The following SLC38A5 variants were observed in gnomAD, a reference collection of about 807,000 sequenced individuals.
SLC38A5 encodes the protein solute carrier family 38 member 5.
A neutral mutation model predicts 34.6 loss-of-function variants in SLC38A5; 9 were observed. That is an observed-to-expected ratio of 0.26 (90% confidence interval 0.16 to 0.45). The LOEUF (loss-of-function observed/expected upper bound fraction) is 0.45, where lower values mean the gene tolerates loss of function less well. Among genes scored for constraint, SLC38A5 ranks in the 20% least tolerant of loss-of-function variants. The pLI is 1.00. For missense variants in SLC38A5, 253 were observed against 394.7 expected (o/e 0.64, Z 3.04); for synonymous variants, 157 against 155.6 (o/e 1.01, Z -0.07).
rs1361337751 is a variant in SLC38A5 at position 48,469,521 on chromosome X, T to A, written c.-103-85A>T. ...AGGTGGAGAAGGGGCGCCCCCTATC[T>A]GGACCCACTTGGAGGGAGACAGCGG... On this transcript the variant is annotated intron_variant, in intron 1 of 16. Transcript: ENST00000620913. 3 of 111,331 alleles carry A rather than the reference T, an allele frequency of 2.7e-5. No individual in the cohort carries two copies. The East Asian group carries it at 8.5e-4, about 32-fold the overall frequency. 9.2% of individuals were successfully genotyped at this position (111,331 alleles called of 1,213,427 possible). A position where few individuals can be genotyped will look rare whatever the true frequency, so the allele number is the denominator to read the frequency against.
chrX:48,459,111 T>G, intron 16 of SLC38A5, 77 bp from the exon 17 acceptor site: 1 of 1,014,801 alleles, frequency 9.9e-7, no homozygotes, highest in South Asian at 2.3e-5. Context: ...CCTCAAGTCT[T>G]CCACCTCCTT....
In SLC38A5 at chrX:48,458,950, G is replaced by A. The variant is rs889767969; in HGVS notation, c.1402C>T (p.Arg468Cys). 7 of 1,186,019 alleles carry A rather than the reference G, an allele frequency of 5.9e-6. No homozygotes were observed. Among genetic ancestry groups the A allele is most frequent in the African/African-American group, 3.5e-5 (2 of 57,072 alleles). ...GGGCCTGATCAGTGTCCAGACATGCGGCTCTGGCCTGTGGCCCAGTTGGCA... is the reference window on the plus strand; with the variant it reads ...GGGCCTGATCAGTGTCCAGACATGCAGCTCTGGCCTGTGGCCCAGTTGGCA... ...MFANWATGQS[R>C]MSGH is the part of the protein sequence containing the mutation. Residue 468 changes from arginine (R) to cysteine (C), a missense_variant, in exon 17 of 17, where the codon CGC becomes TGC. Physicochemically the swap from Arg to Cys is radical, Grantham distance 180. Around this residue, in one of 3 missense-constraint regions of SLC38A5, gnomAD observed 176 missense variants for 273.0 expected, o/e 0.64. Coordinates refer to ENST00000620913, the MANE Select transcript of SLC38A5 (RefSeq NM_033518.4).
chrX:48,462,808 T>C, intron 9 of SLC38A5, 90 bp downstream of exon 9: 1 of 709,946 alleles, frequency 1.4e-6, no homozygotes, highest in Non-Finnish European at 2.1e-6. Flanking sequence ...CCTAGTGTGC[T>C]GCAGCCCTTG....
In SLC38A5 at chrX:48,466,963, GGAA is replaced by G. The variant is rs1569470829; in HGVS notation, c.241_243del (p.Phe81del). 8.3e-7 allele frequency: 1 copy of G among 1,211,494 alleles called. No individual in the cohort carries two copies. Among genetic ancestry groups the G allele is most frequent in the Non-Finnish European group, 1.1e-6 (1 of 895,013 alleles). On this transcript the variant is annotated inframe_deletion and splice_region_variant, in exon 5 of 17. Transcript: ENST00000620913. ...CCCGCAGGCCACCTATGGACTCACAGGAAGAAGATGACCCCCGTGTGGGCCATG... is the reference window on the plus strand; with the variant it reads ...CCCGCAGGCCACCTATGGACTCACAGGAAGATGACCCCCGTGTGGGCCATG...
intron 8 of SLC38A5, among the ~76,000 whole-genome samples, chrX:48,464,440 C>T (rs1429310346): frequency 1.8e-5 from 2 of 112,581 alleles, no homozygotes; most frequent in Admixed American, 1.9e-4. Flanking sequence ...CTAGTGTTCT[C>T]AGAATCAAAC....
Position 48,458,686 on chromosome X carries a change from C to CCTG in SLC38A5, c.*246_*247insCAG. ...TCCTCCTCCTCCTCCTCCTCCTCCT[C>CCTG]CTCCTCCTCTTCTTCCTCCTCCTCC... On this transcript the variant is annotated 3_prime_UTR_variant, in exon 17 of 17. Transcript: ENST00000620913. The CCTG allele has an allele frequency of 4.0e-6, 4 of 995,678 alleles. No individual in the cohort carries two copies. The highest frequency in any genetic ancestry group is 3.8e-6 in the Non-Finnish European group (3 of 789,148). The allele number at this position is 995,678 out of a possible 1,213,427, so 82.1% of individuals were successfully genotyped here.
At chrX:48,468,455 C>A in intron 2 of SLC38A5, 1 of 739,810 alleles carries the variant, frequency 1.4e-6, no homozygotes, top group Non-Finnish European at 1.6e-6. Flanking sequence ...TGCCCTCACC[C>A]CCCTCCTTCC....
Position 48,467,891 on chromosome X carries a change from G to A in SLC38A5, c.34C>T (p.Leu12Phe). 1 of 1,208,506 alleles carries A rather than the reference G, an allele frequency of 8.3e-7. No homozygotes were observed. Among genetic ancestry groups the A allele is most frequent in the Non-Finnish European group, 1.1e-6 (1 of 893,728 alleles). Residue 12 changes from leucine to phenylalanine, a missense_variant, in exon 3 of 17, where the codon CTC becomes TTC. By Grantham distance (22) the Leu-to-Phe change is conservative (BLOSUM62 0). Around this residue, in one of 3 missense-constraint regions of SLC38A5, gnomAD observed 40 missense variants for 36.4 expected, o/e 1.10. Coordinates refer to ENST00000620913, the MANE Select transcript of SLC38A5 (RefSeq NM_033518.4). Reference protein sequence around the residue: ...ELQDPKMNGALPSDAVGYRQE... With the variant: ...ELQDPKMNGAFPSDAVGYRQE... Reference sequence around the variant, plus strand: ...ACTCACCCCACAGCATCCGAAGGGAGGGCTCCATTCATCTTTGGATCCTGC... The same window carrying A: ...ACTCACCCCACAGCATCCGAAGGGAAGGCTCCATTCATCTTTGGATCCTGC...
In SLC38A5 at chrX:48,469,418, C is replaced by T. The variant is rs1444489363; in HGVS notation, c.-85G>A. ...GGCTGCCTAGGCTCCTGCTCTGGAG[C>T]GGTACTTTTTTTTTTTTCCTGAGAA... On this transcript the variant is annotated 5_prime_UTR_variant, in exon 2 of 17. Coordinates refer to ENST00000620913, the MANE Select transcript of SLC38A5 (RefSeq NM_033518.4). 1 of 107,388 alleles carries T rather than the reference C, an allele frequency of 9.3e-6. No homozygotes were observed. The highest frequency in any genetic ancestry group is 9.7e-5 in the Admixed American group (1 of 10,324). 8.8% of individuals were successfully genotyped at this position (107,388 alleles called of 1,213,427 possible). A position where few individuals can be genotyped will look rare whatever the true frequency, so the allele number is the denominator to read the frequency against.
At chrX:48,461,693 C>T (rs782410434) in intron 12 of SLC38A5, 25 bp downstream of exon 12, 1 of 1,185,651 alleles carries the variant, frequency 8.4e-7, no homozygotes, top group Admixed American at 2.3e-5. Context: ...GCCCATCATT[C>T]AGGCCCACTT....
At chrX:48,464,096 T>A (rs1433730286) in intron 8 of SLC38A5, among the ~76,000 whole-genome samples, 2 of 111,987 alleles carry the variant, frequency 1.8e-5, no homozygotes, top group Non-Finnish European at 3.8e-5. Context: ...TCAAGGTTTG[T>A]TGGATGCCTG....
chrX:48,463,256 A>C (rs2061446964), intron 8 of SLC38A5, among the ~76,000 whole-genome samples: 1 of 112,663 alleles, frequency 8.9e-6, no homozygotes, highest in African/African-American at 3.2e-5. Flanking sequence ...AGACTTCGCA[A>C]GTGGTTGCAC....
Position 48,466,316 on chromosome X carries a change from C to T in SLC38A5, c.326G>A (p.Arg109Gln), listed in dbSNP as rs1556963291. The change falls in exon 7 of 17, where the codon CGA becomes CAA. Residue 109 changes from arginine to glutamine, a missense_variant. This residue lies in a region of SLC38A5 where 37 missense variants were observed against 85.3 expected (regional missense o/e 0.43). Coordinates refer to ENST00000620913, the MANE Select transcript of SLC38A5 (RefSeq NM_033518.4). Reference sequence around the variant, plus strand: ...CCTCTGTCCCAGCTGCTCATAGGCTCGGATGCCTAGCGGGGGGAGTCAGGA... The same window carrying T: ...CCTCTGTCCCAGCTGCTCATAGGCTTGGATGCCTAGCGGGGGGAGTCAGGA... ...LLTCAGIAGIRAYEQLGQRAF... is the reference protein window; with the variant it reads ...LLTCAGIAGIQAYEQLGQRAF... The T allele has an allele frequency of 1.7e-6, 2 of 1,195,897 alleles. No homozygotes were observed. The highest frequency in any genetic ancestry group is 1.7e-5 in the African/African-American group (1 of 57,363).
intron 8 of SLC38A5, among the ~76,000 whole-genome samples, chrX:48,463,903 GAAAGAA>G (rs1313848719): frequency 2.8e-5 from 3 of 107,174 alleles, no homozygotes; most frequent in East Asian, 5.8e-4. Flanking sequence ...AAGAAAGAAA[GAAAGAA>G]AGAGAAAGAA....
intron 10 of SLC38A5, 29 bp from the exon 11 acceptor site, chrX:48,462,173 G>T (rs200538981): frequency 9.9e-6 from 12 of 1,210,946 alleles, no homozygotes; most frequent in Non-Finnish European, 1.0e-5. Flanking sequence ...GGGAAGCCAG[G>T]TCATGGAGGA....
intron 8 of SLC38A5, among the ~76,000 whole-genome samples, chrX:48,463,487 T>C (rs1244066983): frequency 9.1e-6 from 1 of 110,351 alleles, no homozygotes; most frequent in Non-Finnish European, 1.9e-5. Context: ...GTGCCTGTAG[T>C]CCCAGCTACT....
At chrX:48,459,445 T>C in intron 16 of SLC38A5, 91 bp downstream of exon 16, 3 of 803,782 alleles carry the variant, frequency 3.7e-6, no homozygotes, top group Non-Finnish European at 5.1e-6. Flanking sequence ...CCCCCTCCTA[T>C]GCATGTCCCT....
At chrX:48,461,281 T>C (rs1556961843) in intron 12 of SLC38A5, among the ~76,000 whole-genome samples, 195 bp from the exon 13 acceptor site, 1 of 111,062 alleles carries the variant, frequency 9.0e-6, no homozygotes, top group African/African-American at 3.3e-5. Flanking sequence ...TCCCCCGATA[T>C]GACTGTCTCC....
intron 2 of SLC38A5, chrX:48,468,352 CA>C: frequency 1.2e-5 from 9 of 782,000 alleles, no homozygotes; most frequent in Non-Finnish European, 1.4e-5. Context: ...TCCCCCGCGC[CA>C]CCCCCTCTCC....
Sources: gnomAD v4.1 joint callset for allele counts (sites outside exome capture counted in the v4.1 genomes callset) on GRCh38, gnomAD v4.1.1 for gene constraint, gnomAD v4.1.1 regional missense constraint, MANE v1.5 for transcripts, NCBI Gene and HGNC (gene_info 2026-07-23, HGNC 2026-07-21) for gene names.